Variants in SLC30A10 observed in about 807,000 individuals in gnomAD.
SLC30A10 encodes calcium/manganese antiporter SLC30A10.
In SLC30A10, 8 loss-of-function variants were observed where a neutral mutation model predicts 21.7. The observed-to-expected ratio is 0.37, with a 90% CI of 0.22 to 0.67. The LOEUF is 0.67. Ranked by LOEUF, SLC30A10 falls within the 30% of genes least tolerant of loss-of-function variation. The probability of loss-of-function intolerance (pLI) is 0.58; values close to 1 mark genes in which losing one functional copy is unlikely to be tolerated. For missense variants in SLC30A10, 521 were observed against 642.5 expected, an observed-to-expected ratio of 0.81 and a Z score of 2.04; for synonymous variants, 272 against 279.4, an observed-to-expected ratio of 0.97 and a Z score of 0.26.
At chr1:219,926,975 A>G in intron 2 of SLC30A10, 53 bp downstream of exon 2, 1 of 1,385,664 alleles carries the variant, frequency 7.2e-7, no homozygotes, top group Non-Finnish European at 1.0e-6. Context: ...TAAACAACAC[A>G]GTCCATGTGT....
intron 1 of SLC30A10, among the ~76,000 whole-genome samples, chr1:219,947,459 G>T (rs1007806527): frequency 6.6e-6 from 1 of 152,120 alleles, no homozygotes; most frequent in Admixed American, 6.5e-5. Context: ...CTTGAGCCTG[G>T]GAGGTTGAGG....
chr1:219,915,834 C>T lies in SLC30A10; in HGVS notation c.1073G>A (p.Gly358Glu). 6.2e-7 allele frequency: 1 copy of T among 1,614,226 alleles called. No homozygotes were observed. The highest frequency in any genetic ancestry group is 8.5e-7 in the Non-Finnish European group (1 of 1,180,052). Residue 358 changes from glycine to glutamate, a missense_variant, in exon 4 of 4, where the codon GGA becomes GAA. Coordinates refer to ENST00000366926, the MANE Select transcript of SLC30A10 (RefSeq NM_018713.3). The part of the protein sequence containing the change: ...TLHIKYPKDR[G>E]YQDASTKIRE... ...AATTTTTGTGCTGGCATCTTGATATCCCCTGTCCTTAGGATACTTGATGTG... is the reference window on the plus strand; with the variant it reads ...AATTTTTGTGCTGGCATCTTGATATTCCCTGTCCTTAGGATACTTGATGTG...
At chr1:219,917,140 A>G (rs1309026550) in intron 3 of SLC30A10, among the ~76,000 whole-genome samples, 1 of 151,088 alleles carries the variant, frequency 6.6e-6, no homozygotes, top group Non-Finnish European at 1.5e-5. Context: ...TTACTTTTTT[A>G]TTTATTTATA....
At chr1:219,945,950 G>A (rs1052077507) in intron 1 of SLC30A10, among the ~76,000 whole-genome samples, 1 of 152,202 alleles carries the variant, frequency 6.6e-6, no homozygotes, top group Non-Finnish European at 1.5e-5. Context: ...CACCAGGCAT[G>A]AAACTATACT....
intron 1 of SLC30A10, among the ~76,000 whole-genome samples, chr1:219,951,243 G>A (rs1048101698): frequency 7.3e-5 from 11 of 151,712 alleles, no homozygotes; most frequent in South Asian, 6.3e-4. Flanking sequence ...TTACAGGTGT[G>A]AGCCACCGCC....
Position 219,915,049 on chromosome 1 carries a change from A to G in SLC30A10, c.*400T>C, listed in dbSNP as rs1659500644. 6.2e-6 allele frequency: 1 copy of G among 162,062 alleles called. No homozygotes were observed. Among genetic ancestry groups the G allele is most frequent in the African/African-American group, 2.4e-5 (1 of 41,676 alleles). 10.0% of individuals were successfully genotyped at this position (162,062 alleles called of 1,614,324 possible). A position where few individuals can be genotyped will look rare whatever the true frequency, so the allele number is the denominator to read the frequency against. ...GCTATTGTGGTACTTTAGTTTTTTC[A>G]ATGTATTTAAGCTATGATCTCACCT... is the stretch of plus-strand genomic sequence containing the variant. On this transcript the variant is annotated 3_prime_UTR_variant, in exon 4 of 4. Coordinates refer to ENST00000366926, the MANE Select transcript of SLC30A10 (RefSeq NM_018713.3).
chr1:219,936,388 T>C (rs1360805259), intron 1 of SLC30A10, among the ~76,000 whole-genome samples: 2 of 152,178 alleles, frequency 1.3e-5, no homozygotes, highest in African/African-American at 4.8e-5. Flanking sequence ...TGGCCACCAG[T>C]ATTTAAATGG....
intron 1 of SLC30A10, among the ~76,000 whole-genome samples, chr1:219,943,373 T>C (rs72740985): frequency 0.29 from 43,456 of 152,010 alleles, 6,812 homozygotes; most frequent in East Asian, 0.4. Context: ...TCAGCACTAA[T>C]GAAGCACCCC....
chr1:219,957,900 C>T (rs1333260459), intron 1 of SLC30A10, among the ~76,000 whole-genome samples: 2 of 152,134 alleles, frequency 1.3e-5, no homozygotes, highest in African/African-American at 2.4e-5. Context: ...AAGTTTGGTA[C>T]TCACACTTAA....
In SLC30A10 at chr1:219,928,063, G is replaced by A. The variant is rs753501752; in HGVS notation, c.378C>T (p.Val126=). 1.2e-5 allele frequency: 19 copies of A among 1,591,284 alleles called. No individual in the cohort carries two copies. In the Admixed American group the frequency reaches 1.4e-4, roughly 12 times the overall value. ...VLIVGVLGLL[V]NVVGLLIFQD... ...GGAAGATGAGCAGCCCCACCACGTT[G>A]ACCAACAGCCCCAGGACGCCGACGA... is the stretch of plus-strand genomic sequence containing the variant. The change falls in exon 1 of 4, where the codon GTC becomes GTT. Residue 126 remains valine, a synonymous_variant. Transcript: ENST00000366926. This position sits in a 1 kb window ranked among gnomAD's most constrained non-coding sequence, Gnocchi z 6.3.
chr1:219,912,875 C>A lies in SLC30A10; in HGVS notation c.*2574G>T, dbSNP rs1206311110. 1.3e-5 allele frequency among the ~76,000 whole-genome samples: 2 copies of A among 151,782 alleles called. No homozygotes were observed. The highest frequency in any genetic ancestry group is 4.8e-5 in the African/African-American group (2 of 41,302). On this transcript the variant is annotated 3_prime_UTR_variant, in exon 4 of 4. Transcript: ENST00000366926. Reference sequence around the variant, plus strand: ...AAACCAAAAAAAAATTATGTCAGTTCTTTAAAAAAAGGCGGGGAGGAGGGG... The same window carrying A: ...AAACCAAAAAAAAATTATGTCAGTTATTTAAAAAAAGGCGGGGAGGAGGGG...
chr1:219,955,835 G>T (rs1660342338), intron 1 of SLC30A10, among the ~76,000 whole-genome samples: 1 of 152,172 alleles, frequency 6.6e-6, no homozygotes. Flanking sequence ...TAGGGTTCTA[G>T]ACTTACAGAA....
chr1:219,927,660 A>AC (rs1338701595), intron 1 of SLC30A10, 141 bp downstream of exon 1: 15,441 of 519,086 alleles, frequency 0.03, 455 homozygotes, highest in Non-Finnish European at 0.033. Flanking sequence ...AAAAAAAAAA[A>AC]AAAAAAAACA....
chr1:219,929,084 AC>A (rs1465338032), upstream of SLC30A10, among the ~76,000 whole-genome samples: 1 of 152,122 alleles, frequency 6.6e-6, no homozygotes, highest in Non-Finnish European at 1.5e-5. Flanking sequence ...GTGAAATGTG[AC>A]CTCATCCGCC....
At chr1:219,926,923 A>C in intron 2 of SLC30A10, 105 bp downstream of exon 2, 1 of 845,008 alleles carries the variant, frequency 1.2e-6, no homozygotes, top group Non-Finnish European at 1.9e-6. Flanking sequence ...TAACTGGCCT[A>C]CTTTCAAACA....
intron 1 of SLC30A10, among the ~76,000 whole-genome samples, chr1:219,955,369 G>C (rs530252673): frequency 1.1e-3 from 164 of 152,068 alleles, no homozygotes; most frequent in Non-Finnish European, 2.0e-3. Flanking sequence ...ACACCTTTTA[G>C]AGTCAGGGGT....
Position 219,915,269 on chromosome 1 carries a change from A to T in SLC30A10, c.*180T>A. 1.4e-6 allele frequency: 1 copy of T among 701,954 alleles called. No individual in the cohort carries two copies. The highest frequency in any genetic ancestry group is 2.4e-6 in the Non-Finnish European group (1 of 409,414). The allele number at this position is 701,954 out of a possible 1,614,324, so 43.5% of individuals were successfully genotyped here. A position where few individuals can be genotyped will look rare whatever the true frequency, so the allele number is the denominator to read the frequency against. ...ACACCCAGGGGAATGGAAAGGAGTT[A>T]GTTACATAAAAATTCACAGACACGT... On this transcript the variant is annotated 3_prime_UTR_variant, in exon 4 of 4. Transcript: ENST00000366926.
At chr1:219,917,908 T>A (rs1659584327) in intron 3 of SLC30A10, among the ~76,000 whole-genome samples, 1 of 152,162 alleles carries the variant, frequency 6.6e-6, no homozygotes, top group Non-Finnish European at 1.5e-5. Flanking sequence ...AGACAGGGTT[T>A]CACCATGTTG....
chr1:219,948,850 C>T (rs924111131), intron 1 of SLC30A10, among the ~76,000 whole-genome samples: 12 of 152,104 alleles, frequency 7.9e-5, no homozygotes, highest in African/African-American at 1.4e-4. Flanking sequence ...AGAAAATTTT[C>T]GCAACCTACT....
Sources: gnomAD v4.1 joint callset for allele counts (sites outside exome capture counted in the v4.1 genomes callset) on GRCh38, gnomAD v4.1.1 for gene constraint, Gnocchi (gnomAD v3.1) non-coding constraint, MANE v1.5 for transcripts, NCBI Gene and HGNC (gene_info 2026-07-23, HGNC 2026-07-21) for gene names.